HSP90AA1: variants seen among roughly 807,000 people sequenced by gnomAD.
HSP90AA1 encodes heat shock protein 90 alpha family class A member 1, also known as heat shock protein HSP 90-alpha.
Under a neutral mutation model 73.3 loss-of-function variants are expected in HSP90AA1, and 18 were observed. The observed-to-expected ratio is 0.25, with a 90% CI of 0.17 to 0.36. The LOEUF is 0.36. Ranked by LOEUF, HSP90AA1 falls within the 10% of genes least tolerant of loss-of-function variation. The probability of loss-of-function intolerance (pLI) is 1.00; values close to 1 mark genes in which losing one functional copy is unlikely to be tolerated. For synonymous variants in HSP90AA1, 477 were observed against 296.9 expected (o/e 1.61, Z -6.24); for missense variants, 704 against 874.2 (o/e 0.81, Z 2.45).
chr14:102,133,380 T>C (rs1222250708), intron 1 of HSP90AA1, among the ~76,000 whole-genome samples: 2 of 151,746 alleles, frequency 1.3e-5, no homozygotes, highest in African/African-American at 2.4e-5. Flanking sequence ...TTATAGGGAG[T>C]TCAAACATTC....
Position 102,126,853 on chromosome 14 carries a change from CTG to C in HSP90AA1, c.155+12395_155+12396del, listed in dbSNP as rs541758016. ...GACTAGATTCTTTTAATATCATAAACTGTGTTTTTGTTTTCCCAATCAGTAAC... is the reference window on the plus strand; with the variant it reads ...GACTAGATTCTTTTAATATCATAAACTGTTTTTGTTTTCCCAATCAGTAAC... On this transcript the variant is annotated intron_variant, in intron 1 of 11. Coordinates refer to the HSP90AA1 transcript ENST00000334701. 7.4e-4 allele frequency among the ~76,000 whole-genome samples: 112 copies of C among 152,222 alleles called. 1 individual carries two copies. The highest frequency in any genetic ancestry group is 2.6e-3 in the African/African-American group (108 of 41,552).
chr14:102,126,671 C>T (rs938731315), intron 1 of HSP90AA1, among the ~76,000 whole-genome samples: 1 of 152,082 alleles, frequency 6.6e-6, no homozygotes, highest in African/African-American at 2.4e-5. Context: ...ACTACAGGCG[C>T]CCGCCACCAC....
chr14:102,121,147 C>T (rs1471834659), intron 1 of HSP90AA1, among the ~76,000 whole-genome samples: 1 of 152,022 alleles, frequency 6.6e-6, no homozygotes, highest in Non-Finnish European at 1.5e-5. Flanking sequence ...ATTGATGCTC[C>T]TGCCTCAGCC....
intron 1 of HSP90AA1, among the ~76,000 whole-genome samples, chr14:102,135,336 TA>T (rs2049975689): frequency 3.4e-5 from 5 of 147,670 alleles, no homozygotes; most frequent in Non-Finnish European, 1.5e-5. Context: ...GAGCTAGACA[TA>T]AAGGTTCTCC....
chr14:102,082,150 G>A lies in HSP90AA1; in HGVS notation c.2050C>T (p.His684Tyr). The change falls in exon 10 of 11, where the codon CAT becomes TAT. Residue 684 changes from histidine (H) to tyrosine (Y), a missense_variant. His to Tyr is a moderately conservative substitution (Grantham distance 83). Transcript: ENST00000216281. ...ATCATCCTGTAGATCCTGTTAGCAT[G>A]TGTCTGGGGATCTTCCAGACTGAAG... ...SGFSLEDPQT[H>Y]ANRIYRMIKL... 6.2e-7 allele frequency: 1 copy of A among 1,613,530 alleles called. No individual in the cohort carries two copies. Among genetic ancestry groups the A allele is most frequent in the Non-Finnish European group, 8.5e-7 (1 of 1,179,462 alleles).
rs1215347376 is a variant in HSP90AA1 at position 102,083,538 on chromosome 14, TC to T, written c.1486+7del. 6.2e-7 allele frequency: 1 copy of T among 1,613,012 alleles called. No individual in the cohort carries two copies. The stretch of plus-strand genomic sequence containing the variant: ...GACGTGTATGACTGTAACATAGTGT[TC>T]TCTTACCTGTGATATAATAGATATG... On this transcript the variant is annotated splice_region_variant and intron_variant, in intron 8 of 10. Transcript: ENST00000216281.
exon 2 of HSP90AA1, chr14:102,101,998 G>A: frequency 6.2e-7 from 1 of 1,614,174 alleles, no homozygotes; most frequent in African/African-American, 1.3e-5. Context: ...GCTGTTTCCA[G>A]AGACAGAGTA....
In HSP90AA1 at chr14:102,081,678, G is replaced by C. The variant is rs2049102573; in HGVS notation, c.*34C>G. ...AATATATTATCAGAGGAATTGTAGA[G>C]TACTGAACAGGTAAGTCATCCCTCA... On this transcript the variant is annotated 3_prime_UTR_variant, in exon 11 of 11. Transcript: ENST00000216281. 2 of 866,470 alleles carry C rather than the reference G, an allele frequency of 2.3e-6. No homozygotes were observed. Among genetic ancestry groups the C allele is most frequent in the African/African-American group, 3.3e-5 (2 of 60,638 alleles). 53.7% of individuals were successfully genotyped at this position (866,470 alleles called of 1,614,324 possible).
At chr14:102,128,955 T>C (rs1434285618) in intron 1 of HSP90AA1, among the ~76,000 whole-genome samples, 1 of 152,148 alleles carries the variant, frequency 6.6e-6, no homozygotes, top group African/African-American at 2.4e-5. Flanking sequence ...TTTTCTTGGT[T>C]CTCAGAGCCC....
chr14:102,081,583 C>T lies in HSP90AA1; in HGVS notation c.*129G>A. ...ACTTAGTAGACAGAAATCTTATCTT[C>T]CCCTTAAAGTAGTTGTCATGCCATA... is the stretch of plus-strand genomic sequence containing the variant. On this transcript the variant is annotated 3_prime_UTR_variant, in exon 11 of 11. Transcript: ENST00000216281. 2 of 682,482 alleles carry T rather than the reference C, an allele frequency of 2.9e-6. No homozygotes were observed. Among genetic ancestry groups the T allele is most frequent in the South Asian group, 3.2e-5 (2 of 62,740 alleles). The allele number at this position is 682,482 out of a possible 1,614,324, so 42.3% of individuals were successfully genotyped here. A position where few individuals can be genotyped will look rare whatever the true frequency, so the allele number is the denominator to read the frequency against.
chr14:102,114,126 A>G (rs1595674205), intron 1 of HSP90AA1, among the ~76,000 whole-genome samples: 1 of 152,032 alleles, frequency 6.6e-6, no homozygotes, highest in Admixed American at 6.6e-5. Flanking sequence ...AGTAGCTGGG[A>G]CTACAGGCGT....
Position 102,107,108 on chromosome 14 carries a change from A to C in HSP90AA1, c.156-5023T>G, listed in dbSNP as rs540313012. Among the ~76,000 whole-genome samples, 16 of 152,138 alleles carry C rather than the reference A, an allele frequency of 1.1e-4. No individual in the cohort carries two copies. The South Asian group carries it at 3.1e-3, about 30-fold the overall frequency. On this transcript the variant is annotated intron_variant, in intron 1 of 11. Transcript: ENST00000334701. Reference sequence around the variant, plus strand: ...CAAATACTCAAACTTTATAGACAGAAGAACTGTTGTCAATGACAATAATTT... The same window carrying C: ...CAAATACTCAAACTTTATAGACAGACGAACTGTTGTCAATGACAATAATTT...
chr14:102,094,364 C>G (rs1415581608), intron 2 of HSP90AA1, among the ~76,000 whole-genome samples: 1 of 152,240 alleles, frequency 6.6e-6, no homozygotes, highest in Non-Finnish European at 1.5e-5. Context: ...TGTCCAGGCC[C>G]TGGGTCAAAG....
chr14:102,123,312 TA>T (rs1299771047), intron 1 of HSP90AA1, among the ~76,000 whole-genome samples: 1 of 151,960 alleles, frequency 6.6e-6, no homozygotes, highest in African/African-American at 2.4e-5. Flanking sequence ...AGAATTGCTT[TA>T]ACCTGGGAGG....
intron 1 of HSP90AA1, among the ~76,000 whole-genome samples, chr14:102,086,647 C>A (rs1285497679): frequency 6.6e-6 from 1 of 151,098 alleles, no homozygotes; most frequent in Non-Finnish European, 1.5e-5. Flanking sequence ...TGCCCTCCCG[C>A]GCGGGCTGCG....
chr14:102,102,064 G>T lies in HSP90AA1; in HGVS notation c.177C>A (p.Tyr59Ter). The change falls in exon 2 of 12, where the codon TAC becomes TAA. Residue 59 changes from tyrosine (Y) to a stop codon, truncating the protein, a stop_gained. Transcript: ENST00000334701. LOFTEE classifies it high-confidence loss of function. ...AGAGAAACACTTGGGCCTTTTCTTG[G>T]TACCAGTTAACAGGTGCCCTGCTGG... 6.2e-7 allele frequency: 1 copy of T among 1,614,002 alleles called. No homozygotes were observed. The highest frequency in any genetic ancestry group is 8.5e-7 in the Non-Finnish European group (1 of 1,179,914).
At chr14:102,084,027 AAAACTGGTACTATGT>A in intron 6 of HSP90AA1, 44 bp from the exon 7 acceptor site, 1 of 1,423,010 alleles carries the variant, frequency 7.0e-7, no homozygotes, top group Non-Finnish European at 9.9e-7. Flanking sequence ...TTCCAAGGAC[AAAACTGGTACTATGT>A]AAACTCCCAA....
intron 1 of HSP90AA1, among the ~76,000 whole-genome samples, chr14:102,135,281 CCTT>C: frequency 6.9e-6 from 1 of 145,156 alleles, no homozygotes; most frequent in East Asian, 2.0e-4. Flanking sequence ...TGTTTACAAA[CCTT>C]GAGCTAGATA....
Position 102,086,038 on chromosome 14 carries a change from G to T in HSP90AA1, c.249C>A (p.Asn83Lys). The part of the protein sequence containing the change: ...GKELHINLIP[N>K]KQDRTLTIVD... ...CAATAGTGAGAGTTCGATCTTGTTT[G>T]TTCGGTATAAGGTTAATATGCAGCT... Residue 83 changes from asparagine (N) to lysine (K), a missense_variant, in exon 3 of 11, where the codon AAC becomes AAA. Asn to Lys is a moderately conservative substitution (Grantham distance 94). Coordinates refer to ENST00000216281, the MANE Select transcript of HSP90AA1 (RefSeq NM_005348.4). The T allele has an allele frequency of 6.2e-7, 1 of 1,613,906 alleles. No homozygotes were observed. The highest frequency in any genetic ancestry group is 8.5e-7 in the Non-Finnish European group (1 of 1,179,848).
Sources: allele counts gnomAD v4.1 joint callset (sites outside exome capture counted in the v4.1 genomes callset), GRCh38; gene constraint gnomAD v4.1.1; transcripts MANE v1.5; gene names NCBI Gene and HGNC (gene_info 2026-07-23, HGNC 2026-07-21).